KIR2DL1: variants seen among roughly 807,000 people sequenced by gnomAD.
KIR2DL1 encodes killer cell immunoglobulin like receptor, two Ig domains and long cytoplasmic tail 1, also known as killer cell immunoglobulin-like receptor 2DL1.
In KIR2DL1, 38 loss-of-function variants were observed where a neutral mutation model predicts 33.9. The observed-to-expected ratio is 1.12, with a 90% CI of 0.86 to 1.47. The LOEUF is 1.47. Among genes scored for constraint, KIR2DL1 ranks in the 40% most tolerant of loss-of-function variants. KIR2DL1 has a pLI of 0.00. For missense variants in KIR2DL1, 531 were observed against 433.9 expected (o/e 1.22, Z -1.99); for synonymous variants, 179 against 165.9 (o/e 1.08, Z -0.61).
rs535782209 is a variant in KIR2DL1 at position 54,776,136 on chromosome 19, C to T, written c.664+678C>T. Among the ~76,000 whole-genome samples the T allele has an allele frequency of 1.5e-4, 22 of 144,460 alleles. 2 individuals are homozygous for T. The highest frequency in any genetic ancestry group is 2.9e-4 in the Non-Finnish European group (19 of 64,626). The allele number at this position is 144,460 out of a possible 152,430, so 94.8% of individuals were successfully genotyped here. A position where few individuals can be genotyped will look rare whatever the true frequency, so the allele number is the denominator to read the frequency against. ...CGAACTCCTGACCACGTGATCCACC[C>T]GCATCAGCCTCCCAAAGTGCTGGGA... On this transcript the variant is annotated intron_variant, in intron 4 of 7. Transcript: ENST00000336077.
chr19:54,775,058 G>A, intron 3 of KIR2DL1, 107 bp from the exon 4 acceptor site: 2 of 1,355,928 alleles, frequency 1.5e-6, no homozygotes, highest in Non-Finnish European at 2.0e-6. Flanking sequence ...GAGAGAGAGA[G>A]AGAGAGAGCA....
At chr19:54,775,879 A>G (rs767228810) in intron 4 of KIR2DL1, among the ~76,000 whole-genome samples, 3 of 148,400 alleles carry the variant, frequency 2.0e-5, no homozygotes, top group Non-Finnish European at 4.5e-5. Flanking sequence ...AAATATACCT[A>G]TATAGCTTAC....
Position 54,770,868 on chromosome 19 carries a change from G to C in KIR2DL1, c.54G>C (p.Gly18=). 1.3e-6 allele frequency: 2 copies of C among 1,584,586 alleles called. No homozygotes were observed. Among genetic ancestry groups the C allele is most frequent in the Non-Finnish European group, 1.7e-6 (2 of 1,156,660 alleles). The change falls in exon 2 of 8, where the codon GGG becomes GGC. Residue 18 remains glycine, a synonymous_variant. Transcript: ENST00000336077. ...MACVGFFLLQ[G]AWPHEGVHRK... is the part of the protein sequence containing the mutation. ...TTCCAGGGTTCTTCTTGCTGCAGGG[G>C]GCCTGGCCACATGAGGGTGAGTCCT...
intron 5 of KIR2DL1, among the ~76,000 whole-genome samples, chr19:54,778,914 C>G (rs1300115342): frequency 6.7e-6 from 1 of 148,508 alleles, no homozygotes; most frequent in East Asian, 1.9e-4. Flanking sequence ...TGACATCCTT[C>G]TCAGGAAAAA....
In KIR2DL1 at chr19:54,774,717, T is replaced by C. The variant is rs2076127934; in HGVS notation, c.371-448T>C. ...ATACATAGATATAGATAATAGATGA[T>C]TGATGGATAGATAGACAATTGATGG... On this transcript the variant is annotated intron_variant, in intron 3 of 7. Coordinates refer to ENST00000336077, the MANE Select transcript of KIR2DL1 (RefSeq NM_014218.3). Among the ~76,000 whole-genome samples the C allele has an allele frequency of 1.4e-5, 2 of 147,170 alleles. 1 individual carries two copies. The highest frequency in any genetic ancestry group is 4.3e-4 in the South Asian group (2 of 4,696).
chr19:54,770,768 A>C, intron 1 of KIR2DL1, 81 bp from the exon 2 acceptor site: 2 of 1,539,388 alleles, frequency 1.3e-6, no homozygotes, highest in Non-Finnish European at 1.8e-6. Flanking sequence ...CCTGGCTACC[A>C]AGACTCACAG....
At chr19:54,783,338 G>C (rs899562635) in intron 6 of KIR2DL1, 148 bp from the exon 7 acceptor site, 1 of 837,756 alleles carries the variant, frequency 1.2e-6, no homozygotes, top group African/African-American at 1.7e-5. Flanking sequence ...GGGTCCTTGA[G>C]CTCAGAGAGA....
At chr19:54,776,719 C>T (rs2076388528) in intron 4 of KIR2DL1, among the ~76,000 whole-genome samples, 1 of 144,648 alleles carries the variant, frequency 6.9e-6, no homozygotes, top group South Asian at 2.2e-4. Flanking sequence ...TGGCTCATTG[C>T]AACCTCCGCC....
At chr19:54,779,381 G>T (rs1393621183) in intron 5 of KIR2DL1, among the ~76,000 whole-genome samples, 1 of 148,622 alleles carries the variant, frequency 6.7e-6, no homozygotes, top group Admixed American at 6.8e-5. Context: ...ACTTGTCCCA[G>T]CTTCTAAAGG....
At chr19:54,782,494 G>A in intron 5 of KIR2DL1, among the ~76,000 whole-genome samples, 1 of 152,022 alleles carries the variant, frequency 6.6e-6, no homozygotes, top group Non-Finnish European at 1.5e-5. Context: ...CGGCAAGAGA[G>A]GGAGCAAGGG....
intron 5 of KIR2DL1, among the ~76,000 whole-genome samples, chr19:54,779,646 C>T (rs1394676566): frequency 6.8e-6 from 1 of 147,840 alleles, no homozygotes; most frequent in Non-Finnish European, 1.5e-5. Flanking sequence ...ACCATAATTC[C>T]ATCTGCAATC....
At chr19:54,777,181 C>T (rs1354678583) in intron 4 of KIR2DL1, among the ~76,000 whole-genome samples, 1 of 150,518 alleles carries the variant, frequency 6.6e-6, no homozygotes, top group Non-Finnish European at 1.5e-5. Context: ...ACCTCCACCT[C>T]CCAGGTTCAA....
rs533796477 is a variant in KIR2DL1, at chr19:54,770,783, G to A, written c.35-66G>A. 2.6e-6 allele frequency: 4 copies of A among 1,559,926 alleles called. 1 individual carries two copies. Among genetic ancestry groups the A allele is most frequent in the South Asian group, 2.2e-5 (2 of 89,932 alleles). On this transcript the variant is annotated intron_variant, in intron 1 of 7. Transcript: ENST00000336077. ...CCTGGCTACCAAGACTCACAGCCCA[G>A]TGGGGGCAGCAAGGGTGCCCTGGTT...
rs2075983081 is a variant in KIR2DL1, at chr19:54,773,432, A to T, written c.170A>T (p.His57Leu). 1 of 1,589,754 alleles carries T rather than the reference A, an allele frequency of 6.3e-7. No individual in the cohort carries two copies. Among genetic ancestry groups the T allele is most frequent in the Non-Finnish European group, 8.6e-7 (1 of 1,161,318 alleles). Reference sequence around the variant, plus strand: ...TGTTGGTCAGATGTCATGTTTGAACACTTCCTTCTGCACAGAGAGGGGATG... The same window carrying T: ...TGTTGGTCAGATGTCATGTTTGAACTCTTCCTTCTGCACAGAGAGGGGATG... ...LQCWSDVMFE[H>L]FLLHREGMFN... Residue 57 changes from histidine (H) to leucine (L), a missense_variant, in exon 3 of 8, where the codon CAC becomes CTC. Physicochemically the swap from His to Leu is moderately conservative, Grantham distance 99. Transcript: ENST00000336077.
Position 54,783,515 on chromosome 19 carries a change from G to T in KIR2DL1, c.847G>T (p.Gly283Ter). The T allele has an allele frequency of 2.5e-6, 4 of 1,613,708 alleles. No homozygotes were observed. The highest frequency in any genetic ancestry group is 3.4e-6 in the Non-Finnish European group (4 of 1,179,840). Residue 283 changes from glycine (G) to a stop codon, truncating the protein, a stop_gained, in exon 7 of 8, where the codon GGA becomes TGA. Transcript: ENST00000336077. LOFTEE classifies it low-confidence loss of function (END_TRUNC). ...TGCGGTAATGGACCAAGAGTCTGCA[G>T]GAAACAGAACAGCGAATAGCGAGGT... ...NAAVMDQESA[G>*]NRTANSEDSD... is the part of the protein sequence containing the mutation.
At chr19:54,775,725 G>T (rs1274439298) in intron 4 of KIR2DL1, among the ~76,000 whole-genome samples, 2 of 148,724 alleles carry the variant, frequency 1.3e-5, no homozygotes, top group African/African-American at 4.9e-5. Flanking sequence ...ACTGGGCTCA[G>T]TTTGGGGAGA....
At chr19:54,775,488 C>T (rs2076224339) in intron 4 of KIR2DL1, 30 bp downstream of exon 4, 1 of 1,564,240 alleles carries the variant, frequency 6.4e-7, no homozygotes, top group Non-Finnish European at 8.8e-7. Flanking sequence ...GTCCCATGTC[C>T]TATGATCCTA....
chr19:54,782,357 C>T (rs112170640), intron 5 of KIR2DL1, among the ~76,000 whole-genome samples: 18,619 of 150,234 alleles, frequency 0.12, 8 homozygotes, highest in South Asian at 0.21. Context: ...GATTGGTTTG[C>T]CTCACCGTTC....
Position 54,771,968 on chromosome 19 carries a change from C to T in KIR2DL1, c.70+1084C>T, listed in dbSNP as rs1441106051. On this transcript the variant is annotated intron_variant, in intron 2 of 7. Coordinates refer to ENST00000336077, the MANE Select transcript of KIR2DL1 (RefSeq NM_014218.3). The stretch of plus-strand genomic sequence containing the variant: ...AGAGCTCCTGGTGGGCGTGTCCTTG[C>T]GGGTCCCATCATGCAAGTCCTGACT... 7.3e-4 allele frequency among the ~76,000 whole-genome samples: 102 copies of T among 140,388 alleles called. 11 individuals are homozygous for T. Among genetic ancestry groups the T allele is most frequent in the Non-Finnish European group, 1.3e-3 (85 of 63,534 alleles). The allele number at this position is 140,388 out of a possible 152,430, so 92.1% of individuals were successfully genotyped here.
Sources: gnomAD v4.1 joint callset for allele counts (sites outside exome capture counted in the v4.1 genomes callset) on GRCh38, gnomAD v4.1.1 for gene constraint, MANE v1.5 for transcripts, NCBI Gene and HGNC (gene_info 2026-07-23, HGNC 2026-07-21) for gene names.